Variants in PROX1 observed in about 807,000 individuals in gnomAD.
The protein encoded by PROX1 is prospero homeobox protein 1.
In PROX1, 7 loss-of-function variants were observed where a neutral mutation model predicts 58.8. The observed-to-expected ratio is 0.12, with a 90% CI of 0.07 to 0.22. PROX1 has a LOEUF of 0.22. Among genes scored for constraint, PROX1 ranks in the 10% least tolerant of loss-of-function variants. PROX1 has a pLI of 1.00. For synonymous variants in PROX1, 350 were observed against 358.3 expected, an observed-to-expected ratio of 0.98 and a Z score of 0.26; for missense variants, 675 against 927.8, an observed-to-expected ratio of 0.73 and a Z score of 3.54.
At chr1:214,009,632 A>G (rs1663838805) in intron 3 of PROX1, among the ~76,000 whole-genome samples, 1 of 152,164 alleles carries the variant, frequency 6.6e-6, no homozygotes, top group African/African-American at 2.4e-5. Flanking sequence ...CCATTCTCCA[A>G]CAATAAGCTT....
chr1:213,996,590 G>C lies in PROX1; in HGVS notation c.55G>C (p.Val19Leu), dbSNP rs776910282. ...LLSRQTKRRR[V>L]DIGVKRTVGT... The stretch of plus-strand genomic sequence containing the variant: ...AAGCCGGCAAACCAAGAGGAGAAGA[G>C]TTGACATTGGAGTGAAAAGGACGGT... Residue 19 changes from valine (V) to leucine (L), a missense_variant, in exon 2 of 5, where the codon GTT becomes CTT. Around this residue, in one of 8 missense-constraint regions of PROX1, gnomAD observed 157 missense variants for 197.8 expected, o/e 0.79. Transcript: ENST00000366958. 1.2e-6 allele frequency: 2 copies of C among 1,614,070 alleles called. No homozygotes were observed. Among genetic ancestry groups the C allele is most frequent in the African/African-American group, 2.7e-5 (2 of 74,916 alleles).
upstream of PROX1, among the ~76,000 whole-genome samples, chr1:213,983,538 C>G (rs543135488): frequency 2.0e-5 from 3 of 152,364 alleles, no homozygotes; most frequent in South Asian, 6.2e-4. Flanking sequence ...CACTCACACC[C>G]TCACCCCATC....
intron 4 of PROX1, among the ~76,000 whole-genome samples, 159 bp downstream of exon 4, chr1:214,011,874 C>T (rs879659701): frequency 6.6e-6 from 1 of 152,162 alleles, no homozygotes; most frequent in Non-Finnish European, 1.5e-5. Flanking sequence ...CTTCCATAGT[C>T]CCCATTGGAA....
chr1:214,038,497 G>A lies in PROX1; in HGVS notation c.*2663G>A, dbSNP rs1664901105. ...TTTCTATGGTGGGATGGTGAAGGATGAGGGACAGTTTACATAGGAAAAGAA... is the reference window on the plus strand; with the variant it reads ...TTTCTATGGTGGGATGGTGAAGGATAAGGGACAGTTTACATAGGAAAAGAA... On this transcript the variant is annotated 3_prime_UTR_variant, in exon 5 of 5. Coordinates refer to ENST00000366958, the MANE Select transcript of PROX1 (RefSeq NM_001270616.2). 1.3e-5 allele frequency: 2 copies of A among 151,622 alleles called. No homozygotes were observed. Among genetic ancestry groups the A allele is most frequent in the Admixed American group, 1.3e-4 (2 of 15,244 alleles). The allele number at this position is 151,622 out of a possible 1,614,324, so 9.4% of individuals were successfully genotyped here. A position where few individuals can be genotyped will look rare whatever the true frequency, so the allele number is the denominator to read the frequency against.
In PROX1 at chr1:213,998,567, C is replaced by T. The variant is rs115140650; in HGVS notation, c.1725+307C>T. On this transcript the variant is annotated intron_variant, in intron 2 of 4. Transcript: ENST00000366958. ...TTCTTCCTGCATTATCTTCTTATCCCTATCTCTTAAAAAAAATAAAGAAGT... is the reference window on the plus strand; with the variant it reads ...TTCTTCCTGCATTATCTTCTTATCCTTATCTCTTAAAAAAAATAAAGAAGT... Among the ~76,000 whole-genome samples, 979 of 152,116 alleles carry T rather than the reference C, an allele frequency of 6.4e-3. 12 individuals carry two copies. Among genetic ancestry groups the T allele is most frequent in the African/African-American group, 0.021 (872 of 41,502 alleles).
Position 214,025,256 on chromosome 1 carries a change from C to T in PROX1, c.2029-10393C>T, listed in dbSNP as rs189374823. Among the ~76,000 whole-genome samples, 434 of 152,218 alleles carry T rather than the reference C, an allele frequency of 2.9e-3. 1 individual carries two copies. The highest frequency in any genetic ancestry group is 4.2e-3 in the Non-Finnish European group (287 of 68,018). ...TAACTCCATCGGGGGAATGGTCTGG[C>T]CTTACAGGTCGAATTCAAGTGAATC... On this transcript the variant is annotated intron_variant, in intron 4 of 4. Coordinates refer to ENST00000366958, the MANE Select transcript of PROX1 (RefSeq NM_001270616.2).
At chr1:214,019,721 T>A (rs1247937457) in intron 4 of PROX1, among the ~76,000 whole-genome samples, 1 of 152,196 alleles carries the variant, frequency 6.6e-6, no homozygotes, top group African/African-American at 2.4e-5. Context: ...CTGGGGGCCC[T>A]GGCACATCTG....
chr1:214,033,742 A>C (rs1319742404), intron 4 of PROX1, among the ~76,000 whole-genome samples: 2 of 152,172 alleles, frequency 1.3e-5, no homozygotes, highest in Non-Finnish European at 2.9e-5. Context: ...CATTTGATAG[A>C]ATGTGGAGGA....
Position 214,040,939 on chromosome 1 carries a change from C to T in PROX1, c.*5105C>T, listed in dbSNP as rs1664989989. On this transcript the variant is annotated 3_prime_UTR_variant, in exon 5 of 5. Transcript: ENST00000366958. ...TGATATGATAAACACAATGAGACTCCCTGTCCATATTAAAAAGAAAATAAA... is the reference window on the plus strand; with the variant it reads ...TGATATGATAAACACAATGAGACTCTCTGTCCATATTAAAAAGAAAATAAA... 6.6e-6 allele frequency: 1 copy of T among 151,682 alleles called. No homozygotes were observed. Among genetic ancestry groups the T allele is most frequent in the Admixed American group, 6.6e-5 (1 of 15,240 alleles). 9.4% of individuals were successfully genotyped at this position (151,682 alleles called of 1,614,324 possible).
intron 4 of PROX1, among the ~76,000 whole-genome samples, chr1:214,014,156 C>T (rs1425514539): frequency 2.6e-5 from 4 of 152,198 alleles, no homozygotes; most frequent in African/African-American, 9.6e-5. Context: ...AGCCACCGTT[C>T]TTATCGTGGT....
chr1:214,037,854 C>T lies in PROX1; in HGVS notation c.*2020C>T, dbSNP rs1664879447. On this transcript the variant is annotated 3_prime_UTR_variant, in exon 5 of 5. Coordinates refer to ENST00000366958, the MANE Select transcript of PROX1 (RefSeq NM_001270616.2). The stretch of plus-strand genomic sequence containing the variant: ...TCAGCACAAAATAGGGAAGTAATCC[C>T]AACTTGTAGTCACAGTTTTCTGACT... The T allele has an allele frequency of 1.3e-5, 2 of 152,198 alleles. No individual in the cohort carries two copies. The highest frequency in any genetic ancestry group is 2.9e-5 in the Non-Finnish European group (2 of 68,040). 9.4% of individuals were successfully genotyped at this position (152,198 alleles called of 1,614,324 possible).
At chr1:214,014,074 T>G (rs1211080272) in intron 4 of PROX1, among the ~76,000 whole-genome samples, 1 of 152,170 alleles carries the variant, frequency 6.6e-6, no homozygotes, top group African/African-American at 2.4e-5. Context: ...TGACAAAAGT[T>G]TCAGATAAGG....
intron 4 of PROX1, among the ~76,000 whole-genome samples, chr1:214,013,138 GGT>G (rs67603307): frequency 0.87 from 129,250 of 148,244 alleles, 56,642 homozygotes; most frequent in Non-Finnish European, 0.93. Context: ...AAGTTTGGGT[GGT>G]GTGTGTGTGT....
chr1:214,003,156 G>A (rs373755826), intron 2 of PROX1, among the ~76,000 whole-genome samples: 6 of 152,222 alleles, frequency 3.9e-5, no homozygotes, highest in East Asian at 1.9e-4. Flanking sequence ...TGTATTAAAA[G>A]CTTCAGGAAG....
intron 1 of PROX1, among the ~76,000 whole-genome samples, chr1:213,995,198 A>C (rs1436078853): frequency 1.3e-5 from 2 of 151,928 alleles, no homozygotes; most frequent in Admixed American, 6.6e-5. Flanking sequence ...ACGTGAAAAA[A>C]ATTTTCATTT....
upstream of PROX1, chr1:213,984,122 T>A (rs544173761): frequency 1.3e-5 from 2 of 152,354 alleles, no homozygotes; most frequent in East Asian, 3.9e-4. Flanking sequence ...GGGAATGTAC[T>A]TCCCTTTGAT....
rs1663317411 is a variant in PROX1, at chr1:213,997,520, G to C, written c.985G>C (p.Gly329Arg). 6 of 1,614,050 alleles carry C rather than the reference G, an allele frequency of 3.7e-6. No individual in the cohort carries two copies. The highest frequency in any genetic ancestry group is 5.1e-6 in the Non-Finnish European group (6 of 1,179,992). Reference protein sequence around the residue: ...EMAENKPKREGNNKERDHGPN... With the variant: ...EMAENKPKRERNNKERDHGPN... The stretch of plus-strand genomic sequence containing the variant: ...GGCTGAAAACAAGCCGAAGCGAGAA[G>C]GCAACAACAAAGAAAGAGACCATGG... Residue 329 changes from glycine (G) to arginine (R), a missense_variant, in exon 2 of 5, where the codon GGC becomes CGC. Gly to Arg is a moderately radical substitution (Grantham distance 125). Transcript: ENST00000366958. This position sits in a 1 kb window ranked among gnomAD's most constrained non-coding sequence, Gnocchi z 7.1.
chr1:214,006,088 A>G (rs1276472473), intron 3 of PROX1, among the ~76,000 whole-genome samples: 1 of 152,118 alleles, frequency 6.6e-6, no homozygotes, highest in Non-Finnish European at 1.5e-5. Flanking sequence ...ACATGGTATC[A>G]TTATCCCAGG....
Position 213,996,984 on chromosome 1 carries a change from G to T in PROX1, c.449G>T (p.Ser150Ile). ...TCCCCTTTTGGCAGGCCTACTATGA[G>T]CCAGTTTGATATGGATCGCTTATGT... Reference protein sequence around the residue: ...CLSPFGRPTMSQFDMDRLCDE... With the variant: ...CLSPFGRPTMIQFDMDRLCDE... The change falls in exon 2 of 5, where the codon AGC (serine) becomes ATC (isoleucine). Residue 150 changes from serine to isoleucine, a missense_variant. Transcript: ENST00000366958. 6.2e-7 allele frequency: 1 copy of T among 1,614,100 alleles called. No homozygotes were observed. Among genetic ancestry groups the T allele is most frequent in the Non-Finnish European group, 8.5e-7 (1 of 1,180,044 alleles).
Sources: gnomAD v4.1 joint callset for allele counts (sites outside exome capture counted in the v4.1 genomes callset) on GRCh38, gnomAD v4.1.1 for gene constraint, gnomAD v4.1.1 regional missense constraint, Gnocchi (gnomAD v3.1) non-coding constraint, MANE v1.5 for transcripts, NCBI Gene and HGNC (gene_info 2026-07-23, HGNC 2026-07-21) for gene names.